PCDHGA9: variants seen among roughly 807,000 people sequenced by gnomAD.
PCDHGA9 encodes the protein protocadherin gamma subfamily A, 9.
In PCDHGA9, 37 loss-of-function variants were observed where a neutral mutation model predicts 62.5. The ratio of observed to expected loss-of-function variants is 0.59; its 90% CI spans 0.46 to 0.78. The LOEUF (loss-of-function observed/expected upper bound fraction) is 0.78, where lower values mean the gene tolerates loss of function less well. Ranked by LOEUF, PCDHGA9 falls within the 30% of genes least tolerant of loss-of-function variation. The pLI is 0.00. For synonymous variants in PCDHGA9, 459 were observed against 484.6 expected (o/e 0.95, Z 0.69); for missense variants, 1,138 against 1,166.2 (o/e 0.98, Z 0.35).
At chr5:141,430,220 G>A (rs1216694883) in intron 1 of PCDHGA9, among the ~76,000 whole-genome samples, 1 of 148,674 alleles carries the variant, frequency 6.7e-6, no homozygotes, top group Non-Finnish European at 1.5e-5. Flanking sequence ...TATATTATAT[G>A]ATTTGTCAAA....
In PCDHGA9 at chr5:141,433,363, CTATCT is replaced by C. The variant is rs2097590943; in HGVS notation, c.2424+27988_2424+27992del. On this transcript the variant is annotated intron_variant, in intron 1 of 3. Transcript: ENST00000573521. ...TGCAAGCCACCTACTGTCTGCCTAT[CTATCT>C]ATCTATCTATCTATCTATCTATCTA... 4 of 463,386 alleles carry C rather than the reference CTATCT, an allele frequency of 8.6e-6. No homozygotes were observed. The African/African-American group carries it at 1.1e-4, about 13-fold the overall frequency. 28.7% of individuals were successfully genotyped at this position (463,386 alleles called of 1,614,324 possible). A position where few individuals can be genotyped will look rare whatever the true frequency, so the allele number is the denominator to read the frequency against.
intron 1 of PCDHGA9, chr5:141,415,950 A>G (rs996935488): frequency 4.0e-6 from 2 of 498,646 alleles, no homozygotes; most frequent in Non-Finnish European, 6.1e-6. Flanking sequence ...GGGTGGTCAC[A>G]TATTGAAACT....
At chr5:141,418,423 T>G (rs1469880702) in intron 1 of PCDHGA9, 1 of 1,613,868 alleles carries the variant, frequency 6.2e-7, no homozygotes. Flanking sequence ...ATCCTGATGG[T>G]GGCAAATATC....
At chr5:141,409,168 G>T in intron 1 of PCDHGA9, 1 of 1,614,032 alleles carries the variant, frequency 6.2e-7, no homozygotes, top group Non-Finnish European at 8.5e-7. Flanking sequence ...TGGAAGCGAA[G>T]GACGGAGGTG....
Position 141,431,706 on chromosome 5 carries a change from A to T in PCDHGA9, c.2424+26330A>T. The T allele has an allele frequency of 6.2e-7, 1 of 1,614,248 alleles. No homozygotes were observed. The highest frequency in any genetic ancestry group is 8.5e-7 in the Non-Finnish European group (1 of 1,180,048). On this transcript the variant is annotated intron_variant, in intron 1 of 3. Coordinates refer to ENST00000573521, the MANE Select transcript of PCDHGA9 (RefSeq NM_018921.3). The surrounding 1 kb of genome is among the most constrained non-coding windows in gnomAD (Gnocchi z 4.8). ...GACCACGAGGAGTCAGGATTCTACC[A>T]GATGGAAGTGCAAGCAATGGATAAT...
chr5:141,438,735 C>T (rs2098057719), intron 1 of PCDHGA9, among the ~76,000 whole-genome samples: 1 of 149,150 alleles, frequency 6.7e-6, no homozygotes, highest in South Asian at 2.1e-4. Context: ...GATCTCAGCT[C>T]ACTGCAACCT....
chr5:141,418,751 A>G (rs2096284782), intron 1 of PCDHGA9: 2 of 1,613,840 alleles, frequency 1.2e-6, no homozygotes, highest in African/African-American at 2.7e-5. Context: ...GGATTACACT[A>G]CAGGAAACAT....
chr5:141,435,760 T>C (rs1241767830), intron 1 of PCDHGA9, among the ~76,000 whole-genome samples: 1 of 152,172 alleles, frequency 6.6e-6, no homozygotes, highest in Non-Finnish European at 1.5e-5. Context: ...TTGATTTCTT[T>C]TGGTGAATTC....
At chr5:141,422,723 G>T in intron 1 of PCDHGA9, 1 of 1,605,958 alleles carries the variant, frequency 6.2e-7, no homozygotes, top group South Asian at 1.1e-5. Flanking sequence ...ACTGTCCAGG[G>T]GGTGCCTCTG....
At chr5:141,414,151 G>T in intron 1 of PCDHGA9, 2 of 1,600,336 alleles carry the variant, frequency 1.2e-6, no homozygotes, top group East Asian at 2.3e-5. Flanking sequence ...AATACAAGCA[G>T]AAGATGGAGG....
intron 2 of PCDHGA9, among the ~76,000 whole-genome samples, chr5:141,504,179 A>C (rs1247627456): frequency 6.6e-6 from 1 of 152,240 alleles, no homozygotes; most frequent in Non-Finnish European, 1.5e-5. Context: ...AATTCAAAAA[A>C]ATCATGAAAA....
chr5:141,488,572 T>C (rs888054788), intron 1 of PCDHGA9, among the ~76,000 whole-genome samples: 28 of 152,212 alleles, frequency 1.8e-4, no homozygotes, highest in African/African-American at 6.8e-4. Flanking sequence ...CCGCAAAGCA[T>C]TGCTGGAGAG....
At chr5:141,409,545 A>G in intron 1 of PCDHGA9, 1 of 1,613,938 alleles carries the variant, frequency 6.2e-7, no homozygotes, top group African/African-American at 1.3e-5. Flanking sequence ...ATCAACGACA[A>G]CGCCCCAGTT....
chr5:141,439,556 C>A (rs543620281), intron 1 of PCDHGA9, among the ~76,000 whole-genome samples: 1 of 152,268 alleles, frequency 6.6e-6, no homozygotes, highest in East Asian at 1.9e-4. Context: ...CTTCAGGCTG[C>A]AGTTCTAGAG....
chr5:141,436,659 G>A (rs771567212), intron 1 of PCDHGA9, among the ~76,000 whole-genome samples: 3 of 152,136 alleles, frequency 2.0e-5, no homozygotes, highest in Non-Finnish European at 2.9e-5. Flanking sequence ...GCCATTTTTA[G>A]TGGTTGACCA....
chr5:141,431,163 A>G lies in PCDHGA9; in HGVS notation c.2424+25787A>G. On this transcript the variant is annotated intron_variant, in intron 1 of 3. Transcript: ENST00000573521. This position sits in a 1 kb window ranked among gnomAD's most constrained non-coding sequence, Gnocchi z 4.8. ...AACGACAATGCGCCTTACTTTCGTG[A>G]AAGTGAATTAGAAATAAAAATTAGT... 1 of 1,614,246 alleles carries G rather than the reference A, an allele frequency of 6.2e-7. No individual in the cohort carries two copies. Among genetic ancestry groups the G allele is most frequent in the Non-Finnish European group, 8.5e-7 (1 of 1,180,036 alleles).
intron 3 of PCDHGA9, among the ~76,000 whole-genome samples, chr5:141,506,116 A>T: frequency 6.6e-6 from 1 of 152,136 alleles, no homozygotes; most frequent in East Asian, 1.9e-4. Flanking sequence ...AAGAGTCACT[A>T]GGGCCCAGAG....
rs1304361659 is a variant in PCDHGA9 at position 141,494,859 on chromosome 5, C to T, written c.2477C>T (p.Thr826Ile). 2 of 1,614,134 alleles carry T rather than the reference C, an allele frequency of 1.2e-6. No individual in the cohort carries two copies. The highest frequency in any genetic ancestry group is 8.5e-7 in the Non-Finnish European group (1 of 1,180,012). Reference protein sequence around the residue: ...WRFSQAQRPGTSGSQNGDDTG... With the variant: ...WRFSQAQRPGISGSQNGDDTG... Reference sequence around the variant, plus strand: ...TTCTCTCAGGCCCAGAGACCCGGCACCAGCGGGTAGGTGACTGATTCTCCA... The same window carrying T: ...TTCTCTCAGGCCCAGAGACCCGGCATCAGCGGGTAGGTGACTGATTCTCCA... Residue 826 changes from threonine to isoleucine, a missense_variant, in exon 2 of 4, where the codon ACC becomes ATC. By Grantham distance (89) the Thr-to-Ile change is moderately conservative. Coordinates refer to ENST00000573521, the MANE Select transcript of PCDHGA9 (RefSeq NM_018921.3).
In PCDHGA9 at chr5:141,501,176, T is replaced by C. The variant is rs917315609; in HGVS notation, c.2484-4217T>C. ...GCCACCATCCCCAGCCTCATTTACA[T>C]TTTAACACAATTAAATTCAGGGTGT... On this transcript the variant is annotated intron_variant, in intron 2 of 3. Coordinates refer to ENST00000573521, the MANE Select transcript of PCDHGA9 (RefSeq NM_018921.3). Among the ~76,000 whole-genome samples, 16 of 152,244 alleles carry C rather than the reference T, an allele frequency of 1.1e-4. No homozygotes were observed. In the South Asian group the frequency reaches 3.3e-3, roughly 32 times the overall value.
Sources: gnomAD v4.1 joint callset for allele counts (sites outside exome capture counted in the v4.1 genomes callset) on GRCh38, gnomAD v4.1.1 for gene constraint, Gnocchi (gnomAD v3.1) non-coding constraint, MANE v1.5 for transcripts, NCBI Gene and HGNC (gene_info 2026-07-23, HGNC 2026-07-21) for gene names.